The following ESPN variants were observed in gnomAD, a reference collection of about 807,000 sequenced individuals.
ESPN encodes autosomal recessive deafness type 36 protein.
In ESPN, 68 loss-of-function variants were observed where a neutral mutation model predicts 77.7. The observed-to-expected ratio is 0.87, with a 90% confidence interval of 0.72 to 1.07. The LOEUF (loss-of-function observed/expected upper bound fraction) is 1.07, where lower values mean the gene tolerates loss of function less well. Ranked by LOEUF, ESPN falls within the 50% of genes least tolerant of loss-of-function variation. ESPN has a pLI of 0.00. For synonymous variants in ESPN, 449 were observed against 567.1 expected (o/e 0.79, Z 2.96); for missense variants, 1,060 against 1,239.0 (o/e 0.86, Z 2.17).
At chr1:6,438,213 G>T (rs146894630) in intron 2 of ESPN, among the ~76,000 whole-genome samples, 7 of 152,270 alleles carry the variant, frequency 4.6e-5, no homozygotes, top group African/African-American at 1.7e-4. Context: ...AGTGTCCTTC[G>T]GTGGTAACTG....
chr1:6,431,971 C>T (rs959598443), intron 2 of ESPN, among the ~76,000 whole-genome samples: 1 of 152,224 alleles, frequency 6.6e-6, no homozygotes, highest in African/African-American at 2.4e-5. Flanking sequence ...CTGTGGTCAC[C>T]ACTGGCTTGC....
chr1:6,459,978 C>T (rs200528482), intron 12 of ESPN, 21 bp from the exon 13 acceptor site: 1 of 1,612,752 alleles, frequency 6.2e-7, no homozygotes, highest in Non-Finnish European at 8.5e-7. Context: ...ACCGGGTCTG[C>T]CCCCCTCCCC....
At position 6,424,963 on chromosome 1, in the gene ESPN, T is replaced by C; in HGVS notation, c.8T>C (p.Leu3Pro). 8 of 1,447,972 alleles carry C rather than the reference T, an allele frequency of 5.5e-6. No homozygotes were observed. The highest frequency in any genetic ancestry group is 7.2e-6 in the Non-Finnish European group (8 of 1,104,052). 89.7% of individuals were successfully genotyped at this position (1,447,972 alleles called of 1,614,324 possible). A position where few individuals can be genotyped will look rare whatever the true frequency, so the allele number is the denominator to read the frequency against. ...GGCGCCGCACGCGGCACCATGGCCC[T>C]GGAGCAGGCGCTGCAGGCGGCGCGG... MALEQALQAARQG... is the reference protein window; with the variant it reads MAPEQALQAARQG... The change falls in exon 1 of 13, where the codon CTG becomes CCG. Residue 3 changes from leucine (L) to proline (P), a missense_variant. Leu to Pro is a moderately conservative substitution (Grantham distance 98). Coordinates refer to ENST00000645284, the MANE Select transcript of ESPN (RefSeq NM_031475.3).
At chr1:6,455,673 G>A (rs1046211280) in intron 10 of ESPN, 1 of 398,986 alleles carries the variant, frequency 2.5e-6, no homozygotes, top group African/African-American at 2.1e-5. Context: ...CCAGCTACTC[G>A]AGATGGGCCT....
chr1:6,448,655 C>T lies in ESPN; in HGVS notation c.1479C>T (p.Asp493=), dbSNP rs1222315670. 2.2e-5 allele frequency: 35 copies of T among 1,562,060 alleles called. No homozygotes were observed. The highest frequency in any genetic ancestry group is 2.9e-5 in the Non-Finnish European group (34 of 1,165,302). The change falls in exon 8 of 13, where the codon GAC becomes GAT. Residue 493 remains aspartate, a synonymous_variant. Coordinates refer to ENST00000645284, the MANE Select transcript of ESPN (RefSeq NM_031475.3). Reference sequence around the variant, plus strand: ...TCTTCCCGCAGCTGAGCTCCTGTGACGGCCACGACGGGCTGCGGAGGCAGG... The same window carrying T: ...TCTTCCCGCAGCTGAGCTCCTGTGATGGCCACGACGGGCTGCGGAGGCAGG... ...EALKKELSSC[D]GHDGLRRQDS...
intron 6 of ESPN, 72 bp from the exon 7 acceptor site, chr1:6,445,592 T>G: frequency 6.5e-7 from 1 of 1,538,974 alleles, no homozygotes; most frequent in Non-Finnish European, 8.9e-7. Context: ...TTCCAGGTGG[T>G]GGAGAGTCTC....
At chr1:6,444,405 T>C (rs1643750155) in intron 5 of ESPN, 76 bp from the exon 6 acceptor site, 1 of 1,470,022 alleles carries the variant, frequency 6.8e-7, no homozygotes, top group Non-Finnish European at 9.4e-7. Context: ...AAGGCATGAC[T>C]GAGTAGGACC....
chr1:6,440,290 C>T lies in ESPN; in HGVS notation c.525C>T (p.Pro175=). The part of the protein sequence containing the change: ...VNAQTKNGAT[P]LYLACQEGHL... ...CCCAAACCAAGAACGGTGCCACGCC[C>T]CTGTACCTGGCGTGCCAGGAGGGCC... Residue 175 remains proline, a synonymous_variant, in exon 3 of 13, where the codon CCC becomes CCT. Coordinates refer to ENST00000645284, the MANE Select transcript of ESPN (RefSeq NM_031475.3). The T allele has an allele frequency of 6.4e-7, 1 of 1,553,076 alleles. No homozygotes were observed. The highest frequency in any genetic ancestry group is 1.2e-5 in the South Asian group (1 of 84,508).
chr1:6,452,842 G>A (rs1348358168), intron 10 of ESPN, among the ~76,000 whole-genome samples: 1 of 152,178 alleles, frequency 6.6e-6, no homozygotes, highest in Non-Finnish European at 1.5e-5. Context: ...CCAGCTGGCA[G>A]GATGAGTTGC....
At chr1:6,430,607 A>T (rs1408308821) in intron 2 of ESPN, among the ~76,000 whole-genome samples, 2 of 151,976 alleles carry the variant, frequency 1.3e-5, no homozygotes, top group Non-Finnish European at 2.9e-5. Flanking sequence ...TAGAAAAGAG[A>T]TCTCTCATAC....
rs148446250 is a variant in ESPN, at chr1:6,456,542, C to T, written c.2326-642C>T. 594 of 189,826 alleles carry T rather than the reference C, an allele frequency of 3.1e-3. 4 individuals carry two copies. The highest frequency in any genetic ancestry group is 0.013 in the African/African-American group (568 of 42,882). 11.8% of individuals were successfully genotyped at this position (189,826 alleles called of 1,614,324 possible). ...CAGTGTGGCCTGCTCTTTGGTTTTC[C>T]ACTGGAGTTCACAGCTACCTCCTTG... On this transcript the variant is annotated intron_variant, in intron 10 of 12. Coordinates refer to ENST00000645284, the MANE Select transcript of ESPN (RefSeq NM_031475.3).
intron 10 of ESPN, chr1:6,455,650 T>C (rs1206410220): frequency 2.5e-6 from 1 of 399,264 alleles, no homozygotes; most frequent in African/African-American, 2.1e-5. Flanking sequence ...GACCTCTTCA[T>C]GCTCGGCTAC....
intron 10 of ESPN, among the ~76,000 whole-genome samples, chr1:6,452,396 G>A (rs1397220318): frequency 4.6e-5 from 7 of 152,058 alleles, no homozygotes; most frequent in Non-Finnish European, 5.9e-5. Flanking sequence ...TATTAGAGAC[G>A]GGGTTTCACT....
At chr1:6,440,053 G>T (rs561116542) in intron 2 of ESPN, among the ~76,000 whole-genome samples, 7 of 151,698 alleles carry the variant, frequency 4.6e-5, no homozygotes, top group Non-Finnish European at 1.0e-4. Flanking sequence ...TGGGTGGGAC[G>T]CCCTCAGGGA....
Position 6,441,080 on chromosome 1 carries a change from C to T in ESPN, c.990+15C>T. Reference sequence around the variant, plus strand: ...TGGAGAACCTGGTACGATCCCTGAGCTGCTCCTGTCGCATTCTTTCTTCTC... The same window carrying T: ...TGGAGAACCTGGTACGATCCCTGAGTTGCTCCTGTCGCATTCTTTCTTCTC... On this transcript the variant is annotated intron_variant, in intron 5 of 12. Transcript: ENST00000645284. 1.9e-6 allele frequency: 3 copies of T among 1,608,860 alleles called. No homozygotes were observed. Among genetic ancestry groups the T allele is most frequent in the Non-Finnish European group, 2.5e-6 (3 of 1,178,538 alleles).
In ESPN at chr1:6,427,358, C is replaced by T. The variant is rs1008459304; in HGVS notation, c.295-868C>T. Among the ~76,000 whole-genome samples the T allele has an allele frequency of 6.6e-6, 1 of 152,164 alleles. No homozygotes were observed. Among genetic ancestry groups the T allele is most frequent in the African/African-American group, 2.4e-5 (1 of 41,444 alleles). On this transcript the variant is annotated intron_variant, in intron 1 of 12. Coordinates refer to ENST00000645284, the MANE Select transcript of ESPN (RefSeq NM_031475.3). This position sits in a 1 kb window ranked among gnomAD's most constrained non-coding sequence, Gnocchi z 4.6. Reference sequence around the variant, plus strand: ...GTTCCCGGGAATTCTCCTCCCAGCACAGGTCCTGTAAGCACTCCCCTCCAG... The same window carrying T: ...GTTCCCGGGAATTCTCCTCCCAGCATAGGTCCTGTAAGCACTCCCCTCCAG...
intron 7 of ESPN, 156 bp from the exon 8 acceptor site, chr1:6,448,485 C>A: frequency 1.7e-6 from 1 of 598,318 alleles, no homozygotes; most frequent in East Asian, 3.4e-5. Context: ...TCGCCCGCTG[C>A]CCACTGTGAG....
At position 6,441,080 on chromosome 1, in the gene ESPN, C is replaced by G; in HGVS notation, c.990+15C>G. The G allele has an allele frequency of 6.2e-7, 1 of 1,608,860 alleles. No individual in the cohort carries two copies. The highest frequency in any genetic ancestry group is 1.1e-5 in the South Asian group (1 of 90,138). On this transcript the variant is annotated intron_variant, in intron 5 of 12. Transcript: ENST00000645284. ...TGGAGAACCTGGTACGATCCCTGAG[C>G]TGCTCCTGTCGCATTCTTTCTTCTC...
At position 6,428,078 on chromosome 1, in the gene ESPN, A is replaced by G; in HGVS notation, c.295-148A>G. ...CCCAGGATCCGCTTGACCCAAAAAAAACATTGCTGAATGAGGCCTGGCCAA... is the reference window on the plus strand; with the variant it reads ...CCCAGGATCCGCTTGACCCAAAAAAGACATTGCTGAATGAGGCCTGGCCAA... On this transcript the variant is annotated intron_variant, in intron 1 of 12. Coordinates refer to ENST00000645284, the MANE Select transcript of ESPN (RefSeq NM_031475.3). The surrounding 1 kb of genome is among the most constrained non-coding windows in gnomAD (Gnocchi z 5.4). The G allele has an allele frequency of 1.2e-6, 1 of 845,056 alleles. No individual in the cohort carries two copies. The allele number at this position is 845,056 out of a possible 1,614,324, so 52.3% of individuals were successfully genotyped here. A position where few individuals can be genotyped will look rare whatever the true frequency, so the allele number is the denominator to read the frequency against.
Sources: allele counts gnomAD v4.1 joint callset (sites outside exome capture counted in the v4.1 genomes callset), GRCh38; gene constraint gnomAD v4.1.1; non-coding constraint Gnocchi (gnomAD v3.1); transcripts MANE v1.5; gene names NCBI Gene and HGNC (gene_info 2026-07-23, HGNC 2026-07-21).